The following PTCHD4 variants were observed in gnomAD, a reference collection of about 807,000 sequenced individuals.
PTCHD4 encodes patched domain-containing protein 4.
Under a neutral mutation model 58.1 loss-of-function variants are expected in PTCHD4, and 33 were observed. The ratio of observed to expected loss-of-function variants is 0.57; its 90% CI spans 0.43 to 0.76. The LOEUF (loss-of-function observed/expected upper bound fraction) is 0.76, where lower values mean the gene tolerates loss of function less well. PTCHD4 is among the 30% of genes least tolerant of loss of function. The pLI is 0.00. For synonymous variants in PTCHD4, 478 were observed against 409.6 expected, an observed-to-expected ratio of 1.17 and a Z score of -2.02; for missense variants, 1,058 against 1,027.1, an observed-to-expected ratio of 1.03 and a Z score of -0.41.
intron 4 of PTCHD4, among the ~76,000 whole-genome samples, chr6:47,955,384 G>A (rs563678630): frequency 1.2e-4 from 18 of 152,234 alleles, no homozygotes; most frequent in African/African-American, 4.1e-4. Context: ...AAAGGCTCTC[G>A]AATTATGAGT....
chr6:48,099,960 C>T (rs2113911192), intron 1 of PTCHD4, among the ~76,000 whole-genome samples: 1 of 152,242 alleles, frequency 6.6e-6, no homozygotes, highest in East Asian at 1.9e-4. Flanking sequence ...AACTGAACAC[C>T]ACATGCTGGG....
At chr6:48,044,523 A>T (rs1763964243) in intron 3 of PTCHD4, among the ~76,000 whole-genome samples, 1 of 151,818 alleles carries the variant, frequency 6.6e-6, no homozygotes. Flanking sequence ...AAAAATAATG[A>T]TTGAGTGACA....
At chr6:47,940,212 T>C (rs1207570546) in intron 4 of PTCHD4, among the ~76,000 whole-genome samples, 1 of 152,082 alleles carries the variant, frequency 6.6e-6, no homozygotes, top group African/African-American at 2.4e-5. Flanking sequence ...TGAAACTACA[T>C]CTTCAATGCC....
chr6:48,078,394 C>A (rs567920038), intron 1 of PTCHD4, among the ~76,000 whole-genome samples: 1 of 152,296 alleles, frequency 6.6e-6, no homozygotes, highest in African/African-American at 2.4e-5. Flanking sequence ...ATTGTGGCCA[C>A]AGAGGAATAG....
intron 3 of PTCHD4, among the ~76,000 whole-genome samples, chr6:48,031,557 A>G (rs1763439764): frequency 1.3e-5 from 2 of 152,162 alleles, no homozygotes; most frequent in Non-Finnish European, 1.5e-5. Context: ...CTGTGGCTAA[A>G]GCCATACCTG....
Position 47,878,729 on chromosome 6 carries a change from T to C in PTCHD4, c.2106A>G (p.Leu702=), listed in dbSNP as rs750032426. Residue 702 remains leucine, a synonymous_variant, in exon 5 of 5, where the codon TTA becomes TTG. Transcript: ENST00000339488. ...AAATGCAATCCATGTCGACGTTCCA[T>C]AATGTCATTAAGCCCAGAACGCCCA... is the stretch of plus-strand genomic sequence containing the variant. ...IELGVLGLMT[L]WNVDMDCISI... 14 of 1,613,518 alleles carry C rather than the reference T, an allele frequency of 8.7e-6. No homozygotes were observed. Among genetic ancestry groups the C allele is most frequent in the African/African-American group, 2.7e-5 (2 of 74,868 alleles).
intron 4 of PTCHD4, among the ~76,000 whole-genome samples, chr6:47,992,954 G>A (rs1561995050): frequency 6.6e-6 from 1 of 152,156 alleles, no homozygotes; most frequent in Non-Finnish European, 1.5e-5. Flanking sequence ...AAGCAGCAGT[G>A]CTGAAAAGGA....
chr6:48,000,364 A>T (rs1049748646), intron 4 of PTCHD4, among the ~76,000 whole-genome samples: 7 of 152,088 alleles, frequency 4.6e-5, no homozygotes, highest in African/African-American at 1.7e-4. Context: ...TTGTTTTCTG[A>T]TTAAATTCAA....
chr6:47,887,724 G>A (rs1764237217), intron 4 of PTCHD4, among the ~76,000 whole-genome samples: 1 of 152,118 alleles, frequency 6.6e-6, no homozygotes, highest in African/African-American at 2.4e-5. Flanking sequence ...TCCCCATAAT[G>A]TCTAGTCTTG....
At chr6:47,944,222 A>AT (rs1331428099) in intron 4 of PTCHD4, among the ~76,000 whole-genome samples, 1 of 152,124 alleles carries the variant, frequency 6.6e-6, no homozygotes. Flanking sequence ...TCAATGAAAG[A>AT]TTGAGACTAA....
chr6:48,095,732 CAAA>C (rs112185985), intron 1 of PTCHD4, among the ~76,000 whole-genome samples: 3 of 124,976 alleles, frequency 2.4e-5, no homozygotes, highest in Non-Finnish European at 5.1e-5. Flanking sequence ...CAAAAGGAAC[CAAA>C]AAAAAAAAAA....
chr6:47,874,700 T>C lies in PTCHD4; in HGVS notation c.*3603A>G, dbSNP rs1410952483. Among the ~76,000 whole-genome samples, 1 of 151,584 alleles carries C rather than the reference T, an allele frequency of 6.6e-6. No homozygotes were observed. Among genetic ancestry groups the C allele is most frequent in the Non-Finnish European group, 1.5e-5 (1 of 67,790 alleles). On this transcript the variant is annotated 3_prime_UTR_variant, in exon 5 of 5. Transcript: ENST00000339488. ...TCACAAGGTAAAAACCTAAATTCTG[T>C]GGAAATAAATGGGAATCAAATAGGA...
chr6:48,043,175 A>G (rs1763906001), intron 3 of PTCHD4, among the ~76,000 whole-genome samples: 1 of 151,926 alleles, frequency 6.6e-6, no homozygotes, highest in South Asian at 2.1e-4. Context: ...ATTCACTGCT[A>G]GAAGGTATGA....
chr6:48,059,008 G>A (rs1764518515), intron 3 of PTCHD4, among the ~76,000 whole-genome samples: 1 of 152,178 alleles, frequency 6.6e-6, no homozygotes, highest in Non-Finnish European at 1.5e-5. Context: ...CCTGTCTTCC[G>A]GATAAGGGCA....
intron 3 of PTCHD4, among the ~76,000 whole-genome samples, chr6:48,060,242 A>G (rs1422749744): frequency 1.3e-5 from 2 of 152,184 alleles, no homozygotes; most frequent in Non-Finnish European, 2.9e-5. Flanking sequence ...GCCTGCACTG[A>G]CAATCAGAAC....
chr6:47,865,397 A>G lies in PTCHD4; in HGVS notation c.*12906T>C, dbSNP rs1266623279. Among the ~76,000 whole-genome samples the G allele has an allele frequency of 6.6e-6, 1 of 151,906 alleles. No homozygotes were observed. Among genetic ancestry groups the G allele is most frequent in the Non-Finnish European group, 1.5e-5 (1 of 67,892 alleles). On this transcript the variant is annotated 3_prime_UTR_variant, in exon 5 of 5. Coordinates refer to ENST00000339488, the MANE Select transcript of PTCHD4 (RefSeq NM_001384253.1). ...TCCTGAAAATTTGTGGTAAAGCTTTACAAATGTTATAAAAATGGGCCACGC... is the reference window on the plus strand; with the variant it reads ...TCCTGAAAATTTGTGGTAAAGCTTTGCAAATGTTATAAAAATGGGCCACGC...
At chr6:47,894,664 C>A (rs1352036064) in intron 4 of PTCHD4, among the ~76,000 whole-genome samples, 1 of 152,186 alleles carries the variant, frequency 6.6e-6, no homozygotes, top group Non-Finnish European at 1.5e-5. Context: ...CACAGTATAT[C>A]AAAATACATT....
At chr6:47,900,543 A>G (rs1764663860) in intron 4 of PTCHD4, 1 of 152,138 alleles carries the variant, frequency 6.6e-6, no homozygotes, top group South Asian at 2.1e-4. Context: ...TAATTTGAAA[A>G]TATTTTCTCC....
chr6:47,909,783 C>T (rs983178590), intron 4 of PTCHD4, among the ~76,000 whole-genome samples: 89 of 151,236 alleles, frequency 5.9e-4, no homozygotes, highest in African/African-American at 2.1e-3. Context: ...TTTTCTTGGC[C>T]AAGTCCATTC....
Sources: gnomAD v4.1 joint callset for allele counts (sites outside exome capture counted in the v4.1 genomes callset) on GRCh38, gnomAD v4.1.1 for gene constraint, MANE v1.5 for transcripts, NCBI Gene and HGNC (gene_info 2026-07-23, HGNC 2026-07-21) for gene names.